The following ADAMTS17 variants were observed in gnomAD, a reference collection of about 807,000 sequenced individuals.
ADAMTS17 encodes ADAM metallopeptidase with thrombospondin type 1 motif 17.
In ADAMTS17, 113 loss-of-function variants were observed where a neutral mutation model predicts 141.5. The observed-to-expected ratio is 0.80, with a 90% CI of 0.69 to 0.93. The LOEUF is 0.93. Ranked by LOEUF, ADAMTS17 falls within the 40% of genes least tolerant of loss-of-function variation. The pLI is 0.00. For missense variants in ADAMTS17, 1,659 were observed against 1,517.9 expected (o/e 1.09, Z -1.54); for synonymous variants, 768 against 630.6 (o/e 1.22, Z -3.27).
intron 7 of ADAMTS17, among the ~76,000 whole-genome samples, chr15:100,220,220 G>C (rs1038264667): frequency 6.6e-6 from 1 of 152,162 alleles, no homozygotes; most frequent in Non-Finnish European, 1.5e-5. Flanking sequence ...TCCCCAGCAA[G>C]GGTCAGACTA....
At chr15:100,273,023 T>G (rs2142041422) in intron 4 of ADAMTS17, among the ~76,000 whole-genome samples, 1 of 152,312 alleles carries the variant, frequency 6.6e-6, no homozygotes, top group Admixed American at 6.5e-5. Flanking sequence ...GAGCCATCCT[T>G]GCATTCCAGG....
intron 15 of ADAMTS17, among the ~76,000 whole-genome samples, chr15:100,082,627 T>C (rs1388511722): frequency 2.0e-5 from 3 of 152,204 alleles, no homozygotes; most frequent in South Asian, 2.1e-4. Context: ...TTTTTAATTT[T>C]TGAGATCTCT....
At chr15:100,336,934 C>T (rs1308422575) in intron 2 of ADAMTS17, among the ~76,000 whole-genome samples, 6 of 152,290 alleles carry the variant, frequency 3.9e-5, no homozygotes, top group East Asian at 3.9e-4. Context: ...AGTGCATTGG[C>T]GGGATCTCAC....
intron 18 of ADAMTS17, among the ~76,000 whole-genome samples, chr15:100,042,934 C>CAT (rs1008444333): frequency 5.9e-5 from 9 of 152,186 alleles, no homozygotes; most frequent in Middle Eastern, 3.4e-3. Flanking sequence ...GTACATAATA[C>CAT]ATATATATAT....
intron 7 of ADAMTS17, among the ~76,000 whole-genome samples, chr15:100,202,194 C>T (rs893156141): frequency 6.6e-5 from 10 of 152,198 alleles, no homozygotes; most frequent in East Asian, 1.9e-4. Context: ...ACTCAGCACT[C>T]GGAGAAGGCA....
chr15:100,116,494 C>T (rs911030290), intron 13 of ADAMTS17, among the ~76,000 whole-genome samples: 11 of 152,266 alleles, frequency 7.2e-5, no homozygotes, highest in African/African-American at 2.7e-4. Context: ...CGCACCAGCA[C>T]ACTGGGATGC....
rs978205741 is a variant in ADAMTS17 at position 100,156,769 on chromosome 15, T to C, written c.1182-1449A>G. Among the ~76,000 whole-genome samples the C allele has an allele frequency of 4.5e-4, 68 of 152,246 alleles. 3 individuals are homozygous for C. The highest frequency in any genetic ancestry group is 4.4e-3 in the Admixed American group (68 of 15,286). ...GAAAGATGAATAAATCATAAAAATC[T>C]GCTCCAAGGCTGCTTCACAAGTCTT... is the stretch of plus-strand genomic sequence containing the variant. On this transcript the variant is annotated intron_variant, in intron 8 of 21. Transcript: ENST00000268070.
intron 14 of ADAMTS17, among the ~76,000 whole-genome samples, chr15:100,101,088 G>A (rs558329295): frequency 1.8e-4 from 28 of 152,222 alleles, no homozygotes; most frequent in African/African-American, 2.2e-4. Context: ...GCCAGCCTCC[G>A]CCCTCGTCTG....
chr15:99,997,489 C>A lies in ADAMTS17; in HGVS notation c.2692G>T (p.Val898Phe), dbSNP rs182846439. ...GGGCAGTAGAGGGGCCGCGTAGCGA[C>A]GTGTGTGCCGTTCTGCAGCTGGTAC... is the stretch of plus-strand genomic sequence containing the variant. Reference protein sequence around the residue: ...CVYQLQNGTHVATRPLYCPGP... With the variant: ...CVYQLQNGTHFATRPLYCPGP... Residue 898 changes from valine (V) to phenylalanine (F), a missense_variant, in exon 19 of 22, where the codon GTC becomes TTC. Val to Phe is a conservative substitution (Grantham distance 50). Coordinates refer to ENST00000268070, the MANE Select transcript of ADAMTS17 (RefSeq NM_139057.4). The surrounding 1 kb of genome is among the most constrained non-coding windows in gnomAD (Gnocchi z 4.7). 5.8e-5 allele frequency: 94 copies of A among 1,613,556 alleles called. No homozygotes were observed. The East Asian group carries it at 2.0e-3, about 34-fold the overall frequency.
chr15:100,032,064 T>C lies in ADAMTS17; in HGVS notation c.2591+16793A>G, dbSNP rs111944062. On this transcript the variant is annotated intron_variant, in intron 18 of 21. Coordinates refer to ENST00000268070, the MANE Select transcript of ADAMTS17 (RefSeq NM_139057.4). ...CATTACTTACCCATAGAGGACAGCA[T>C]GGAGGTTTCAGAAGCTGTGGGTTTG... 4.7e-4 allele frequency among the ~76,000 whole-genome samples: 72 copies of C among 152,294 alleles called. 1 individual carries two copies. Among genetic ancestry groups the C allele is most frequent in the African/African-American group, 1.5e-3 (61 of 41,550 alleles).
chr15:100,150,817 G>A (rs2039126392), intron 10 of ADAMTS17, among the ~76,000 whole-genome samples: 2 of 152,106 alleles, frequency 1.3e-5, no homozygotes. Context: ...CCCAGCCCCA[G>A]TGTCTGGGGC....
At position 100,304,383 on chromosome 15, in the gene ADAMTS17, A is replaced by G. The variant is rs559929284; in HGVS notation, c.617-22982T>C. 9.8e-5 allele frequency among the ~76,000 whole-genome samples: 15 copies of G among 152,306 alleles called. No homozygotes were observed. In the South Asian group the frequency reaches 2.3e-3, roughly 23 times the overall value. ...ATGCTAGTATAATTTTTTTAACCTT[A>G]TAATTCGCAAATTTTGCCAGAATAA... On this transcript the variant is annotated intron_variant, in intron 3 of 21. Transcript: ENST00000268070.
At chr15:100,199,505 A>T in intron 7 of ADAMTS17, 82 bp from the exon 8 acceptor site, 2 of 1,154,066 alleles carry the variant, frequency 1.7e-6, no homozygotes, top group Non-Finnish European at 2.6e-6. Flanking sequence ...GGTCAACGTC[A>T]TGCACAATCA....
intron 3 of ADAMTS17, among the ~76,000 whole-genome samples, chr15:100,304,167 C>T (rs7164428): frequency 0.49 from 74,390 of 151,924 alleles, 18,542 homozygotes; most frequent in South Asian, 0.63. Context: ...TCTCAGGTAG[C>T]TAAAAGCACC....
intron 14 of ADAMTS17, among the ~76,000 whole-genome samples, chr15:100,098,586 C>T (rs902823345): frequency 1.3e-5 from 2 of 151,714 alleles, no homozygotes; most frequent in African/African-American, 2.4e-5. Context: ...TAGCTTGAAC[C>T]TGGGAGGCGG....
intron 18 of ADAMTS17, among the ~76,000 whole-genome samples, chr15:100,020,034 T>G (rs11637820): frequency 6.6e-6 from 1 of 151,786 alleles, no homozygotes; most frequent in African/African-American, 2.4e-5. Context: ...TGACGTGGCA[T>G]AGTTTTCCCA....
chr15:100,274,444 T>C (rs1177497930), intron 4 of ADAMTS17, among the ~76,000 whole-genome samples: 2 of 152,202 alleles, frequency 1.3e-5, no homozygotes, highest in East Asian at 3.8e-4. Context: ...TGGAAGCTTT[T>C]TGATTTAAAG....
chr15:100,128,460 A>G (rs938088576), intron 12 of ADAMTS17: 2 of 152,152 alleles, frequency 1.3e-5, no homozygotes, highest in Admixed American at 1.3e-4. Context: ...AGATGCATCA[A>G]TGACTAACAA....
In ADAMTS17 at chr15:100,132,032, T is replaced by G. The variant is rs12907333; in HGVS notation, c.1696A>C (p.Arg566=). 1 allele frequency: 1,613,776 copies of G among 1,614,194 alleles called. 806,681 individuals carry two copies. Among genetic ancestry groups the G allele is most frequent in the East Asian group, 1 (44,856 of 44,856 alleles). The part of the protein sequence containing the change: ...SRTCGTGARF[R]QRKCDNPPPG... ...GGGGGGTTGTCACATTTCCTCTGCC[T>G]GAAGCGGGCTCCCGTCCCACATGTT... The change falls in exon 12 of 22, where the codon AGG becomes CGG. Residue 566 remains arginine (R), a synonymous_variant. Transcript: ENST00000268070.
Sources: allele counts gnomAD v4.1 joint callset (sites outside exome capture counted in the v4.1 genomes callset), GRCh38; gene constraint gnomAD v4.1.1; non-coding constraint Gnocchi (gnomAD v3.1); transcripts MANE v1.5; gene names NCBI Gene and HGNC (gene_info 2026-07-23, HGNC 2026-07-21).